PRRG1: variants seen among roughly 807,000 people sequenced by gnomAD.
The protein encoded by PRRG1 is transmembrane gamma-carboxyglutamic acid protein 1.
Under a neutral mutation model 11.8 loss-of-function variants are expected in PRRG1, and 5 were observed. The observed-to-expected ratio is 0.42, with a 90% CI of 0.22 to 0.89. The LOEUF is 0.89. PRRG1 is among the 40% of genes least tolerant of loss of function. The probability of loss-of-function intolerance (pLI) is 0.28; values close to 1 mark genes in which losing one functional copy is unlikely to be tolerated. For missense variants in PRRG1, 155 were observed against 166.1 expected (o/e 0.93, Z 0.37); for synonymous variants, 66 against 60.4 (o/e 1.09, Z -0.43).
At chrX:37,363,503 G>A (rs912430764) in intron 1 of PRRG1, among the ~76,000 whole-genome samples, 3 of 112,135 alleles carry the variant, frequency 2.7e-5, no homozygotes, top group African/African-American at 9.7e-5. Flanking sequence ...GCAGGCATAT[G>A]GTTGGTGCTA....
At position 37,391,895 on chromosome X, in the gene PRRG1, T is replaced by C. The variant is rs186354897; in HGVS notation, c.-41-14314T>C. 3.9e-4 allele frequency among the ~76,000 whole-genome samples: 44 copies of C among 111,895 alleles called. No individual in the cohort carries two copies. The East Asian group carries it at 7.3e-3, about 18-fold the overall frequency. On this transcript the variant is annotated intron_variant, in intron 1 of 3. Coordinates refer to ENST00000378628, the MANE Select transcript of PRRG1 (RefSeq NM_001142395.2). The stretch of plus-strand genomic sequence containing the variant: ...TATAAGTCCCACTGTCATATAAAAT[T>C]AGTATCTCTCACTTGAAAGAGAATT...
intron 1 of PRRG1, among the ~76,000 whole-genome samples, chrX:37,366,092 G>A (rs1930563362): frequency 8.9e-6 from 1 of 112,255 alleles, no homozygotes; most frequent in South Asian, 3.7e-4. Context: ...CCAAAAATCA[G>A]GTAAGTTCAG....
intron 1 of PRRG1, among the ~76,000 whole-genome samples, chrX:37,352,790 G>C (rs1930111890): frequency 9.0e-6 from 1 of 111,597 alleles, no homozygotes; most frequent in Non-Finnish European, 1.9e-5. Flanking sequence ...TGATAATTAA[G>C]ATCAGGTATA....
intron 1 of PRRG1, among the ~76,000 whole-genome samples, chrX:37,405,219 T>C (rs1015718164): frequency 8.9e-6 from 1 of 112,077 alleles, no homozygotes; most frequent in Non-Finnish European, 1.9e-5. Flanking sequence ...TTTAACATGC[T>C]GTGGAGGATA....
chrX:37,365,099 C>G (rs927996075), intron 1 of PRRG1, among the ~76,000 whole-genome samples: 2 of 111,525 alleles, frequency 1.8e-5, no homozygotes, highest in Non-Finnish European at 3.8e-5. Context: ...TGCCACGGAC[C>G]CTGGTGGACT....
At chrX:37,426,184 G>C (rs1556388362) in intron 3 of PRRG1, among the ~76,000 whole-genome samples, 184 bp downstream of exon 3, 1 of 111,508 alleles carries the variant, frequency 9.0e-6, no homozygotes, top group Non-Finnish European at 1.9e-5. Flanking sequence ...TTCCCCTTGT[G>C]CTGGACTGTC....
chrX:37,360,644 A>C (rs1930382774), intron 1 of PRRG1, among the ~76,000 whole-genome samples: 1 of 112,473 alleles, frequency 8.9e-6, no homozygotes, highest in Non-Finnish European at 1.9e-5. Context: ...TGGACGAAGT[A>C]GTTTATATAT....
At chrX:37,379,098 G>A (rs1289237073) in intron 1 of PRRG1, among the ~76,000 whole-genome samples, 1 of 85,774 alleles carries the variant, frequency 1.2e-5, no homozygotes, top group Non-Finnish European at 2.2e-5. Flanking sequence ...CAGGAGGCAA[G>A]TCTTTTGGCC....
chrX:37,443,765 G>T (rs1556394514), intron 3 of PRRG1, among the ~76,000 whole-genome samples: 1 of 111,937 alleles, frequency 8.9e-6, no homozygotes, highest in African/African-American at 3.3e-5. Context: ...GTAAGAAAAA[G>T]ATTCCTTAGA....
At position 37,438,430 on chromosome X, in the gene PRRG1, CTTTTTTT is replaced by C. The variant is rs782783420; in HGVS notation, c.171+12447_171+12453del. ...GATTCGTTGAAAGCAGAATTTTTTC[CTTTTTTT>C]TTTTTTTTTTTTTTTTGAAACACGG... is the stretch of plus-strand genomic sequence containing the variant. On this transcript the variant is annotated intron_variant, in intron 3 of 3. Coordinates refer to ENST00000378628, the MANE Select transcript of PRRG1 (RefSeq NM_001142395.2). 3.2e-4 allele frequency among the ~76,000 whole-genome samples: 22 copies of C among 69,008 alleles called. No homozygotes were observed. The South Asian group carries it at 4.9e-3, about 15-fold the overall frequency. 59.9% of individuals were successfully genotyped at this position (69,008 alleles called of 115,157 possible).
At chrX:37,370,717 A>G (rs1930736069) in intron 1 of PRRG1, among the ~76,000 whole-genome samples, 1 of 111,358 alleles carries the variant, frequency 9.0e-6, no homozygotes, top group African/African-American at 3.3e-5. Flanking sequence ...TGGACCCAGG[A>G]GTCTCTACTC....
At chrX:37,365,166 G>T (rs1252417689) in intron 1 of PRRG1, among the ~76,000 whole-genome samples, 1 of 111,860 alleles carries the variant, frequency 8.9e-6, no homozygotes, top group Non-Finnish European at 1.9e-5. Context: ...ATGTTTGGAA[G>T]AAGGAGTCGG....
At chrX:37,425,531 A>G (rs1257966880) in intron 2 of PRRG1, among the ~76,000 whole-genome samples, 1 of 112,018 alleles carries the variant, frequency 8.9e-6, no homozygotes, top group Non-Finnish European at 1.9e-5. Flanking sequence ...TACTTACAGT[A>G]ATGAGTATAA....
intron 2 of PRRG1, 80 bp downstream of exon 2, chrX:37,406,339 G>A (rs1011239011): frequency 2.0e-6 from 2 of 991,361 alleles, no homozygotes; most frequent in East Asian, 3.1e-5. Context: ...CTAACTCATA[G>A]TATATTTGTG....
chrX:37,367,492 C>G (rs1930612417), intron 1 of PRRG1, among the ~76,000 whole-genome samples: 1 of 96,363 alleles, frequency 1.0e-5, no homozygotes, highest in South Asian at 4.3e-4. Flanking sequence ...CAGCAGATCT[C>G]CTTCATATCT....
chrX:37,429,398 C>T (rs1239551742), intron 3 of PRRG1, among the ~76,000 whole-genome samples: 4 of 111,683 alleles, frequency 3.6e-5, no homozygotes, highest in Non-Finnish European at 5.6e-5. Context: ...AAATTTCTCC[C>T]GCCAGATACC....
chrX:37,439,537 A>G (rs1932935708), intron 3 of PRRG1, among the ~76,000 whole-genome samples: 1 of 111,660 alleles, frequency 9.0e-6, no homozygotes, highest in Non-Finnish European at 1.9e-5. Context: ...ATCTATTTCC[A>G]TCTTCCTCAT....
At position 37,417,724 on chromosome X, in the gene PRRG1, A is replaced by G. The variant is rs187080041; in HGVS notation, c.11-8116A>G. Among the ~76,000 whole-genome samples the G allele has an allele frequency of 5.9e-4, 66 of 111,177 alleles. No homozygotes were observed. The East Asian group carries it at 0.016, about 27-fold the overall frequency. On this transcript the variant is annotated intron_variant, in intron 2 of 3. Transcript: ENST00000378628. ...ACCTATTTAACACCTATTTCAGCAG[A>G]AAAAAAAAGTTTGAAGGCATTATAT...
At chrX:37,379,805 A>G (rs1409890924) in intron 1 of PRRG1, among the ~76,000 whole-genome samples, 2 of 111,995 alleles carry the variant, frequency 1.8e-5, no homozygotes, top group African/African-American at 6.5e-5. Flanking sequence ...TTGGTATCTT[A>G]TTCATCAGTT....
Sources: gnomAD v4.1 joint callset for allele counts (sites outside exome capture counted in the v4.1 genomes callset) on GRCh38, gnomAD v4.1.1 for gene constraint, MANE v1.5 for transcripts, NCBI Gene and HGNC (gene_info 2026-07-23, HGNC 2026-07-21) for gene names.